The following TLK2 variants were observed in gnomAD, a reference collection of about 807,000 sequenced individuals.
The protein encoded by TLK2 is serine/threonine-protein kinase tousled-like 2.
A neutral mutation model predicts 117.3 loss-of-function variants in TLK2; 6 were observed. That is an observed-to-expected ratio of 0.05 (90% confidence interval 0.03 to 0.10). The LOEUF (loss-of-function observed/expected upper bound fraction) is 0.10, where lower values mean the gene tolerates loss of function less well. Ranked by LOEUF, TLK2 falls within the 10% of genes least tolerant of loss-of-function variation. The probability of loss-of-function intolerance (pLI) is 1.00; values close to 1 mark genes in which losing one functional copy is unlikely to be tolerated. For missense variants in TLK2, 299 were observed against 901.2 expected (o/e 0.33, Z 8.56); for synonymous variants, 257 against 316.7 (o/e 0.81, Z 2.00).
At chr17:62,500,228 C>T (rs976345835) in intron 2 of TLK2, among the ~76,000 whole-genome samples, 1 of 151,592 alleles carries the variant, frequency 6.6e-6, no homozygotes, top group Non-Finnish European at 1.5e-5. Context: ...TACTACCACA[C>T]CTGGCTAATT....
At chr17:62,578,624 A>G (rs1428393875) in intron 14 of TLK2, 50 bp downstream of exon 14, 4 of 1,372,098 alleles carry the variant, frequency 2.9e-6, no homozygotes, top group Admixed American at 1.7e-5. Flanking sequence ...GCATTTTATG[A>G]TATGAATTGA....
At chr17:62,543,851 GT>G (rs929869364) in intron 7 of TLK2, among the ~76,000 whole-genome samples, 1 of 151,828 alleles carries the variant, frequency 6.6e-6, no homozygotes, top group Non-Finnish European at 1.5e-5. Context: ...CAATTTATCT[GT>G]TTTTTTTCTT....
chr17:62,577,216 C>T (rs562847780), intron 13 of TLK2, among the ~76,000 whole-genome samples: 38 of 152,198 alleles, frequency 2.5e-4, no homozygotes, highest in Middle Eastern at 3.4e-3. Context: ...CCTCGGCCTC[C>T]CAAAGTGCTG....
At chr17:62,558,462 T>C (rs1967367) in intron 9 of TLK2, among the ~76,000 whole-genome samples, 100,975 of 152,136 alleles carry the variant, frequency 0.66, 33,723 homozygotes, top group East Asian at 0.81. Flanking sequence ...GCTCACCAGC[T>C]GCCAGCTGTT....
In TLK2 at chr17:62,548,240, A is replaced by ATATATGTGTG. The variant is rs368516607; in HGVS notation, c.532-4061_532-4060insATATGTGTGT. On this transcript the variant is annotated intron_variant, in intron 7 of 21. Coordinates refer to ENST00000346027, the MANE Select transcript of TLK2 (RefSeq NM_006852.6). Reference sequence around the variant, plus strand: ...TTATCATTGGGCCATATATATATATATGTGTGTGTGTGTGTGTGTGTGTGT... The same window carrying ATATATGTGTG: ...TTATCATTGGGCCATATATATATATATATATGTGTGTGTGTGTGTGTGTGTGTGTGTGTGT... Among the ~76,000 whole-genome samples, 356 of 121,284 alleles carry ATATATGTGTG rather than the reference A, an allele frequency of 2.9e-3. 2 individuals carry two copies. The highest frequency in any genetic ancestry group is 0.011 in the African/African-American group (341 of 32,436). The allele number at this position is 121,284 out of a possible 152,430, so 79.6% of individuals were successfully genotyped here.
chr17:62,590,127 CAAAA>C (rs201887925), intron 16 of TLK2, among the ~76,000 whole-genome samples: 9 of 141,612 alleles, frequency 6.4e-5, no homozygotes, highest in Non-Finnish European at 1.2e-4. Context: ...AAAAAAAAAA[CAAAA>C]AAAACAAACA....
At chr17:62,601,472 C>T (rs1033228931) in intron 18 of TLK2, among the ~76,000 whole-genome samples, 5 of 152,286 alleles carry the variant, frequency 3.3e-5, no homozygotes, top group Non-Finnish European at 5.9e-5. Context: ...GTGCATATTG[C>T]GTCTCATTGA....
At chr17:62,525,388 A>C (rs2076302659) in intron 6 of TLK2, among the ~76,000 whole-genome samples, 1 of 152,148 alleles carries the variant, frequency 6.6e-6, no homozygotes, top group Non-Finnish European at 1.5e-5. Context: ...AACATAAGTT[A>C]AACTTATGAA....
chr17:62,494,582 C>T (rs2073452839), intron 2 of TLK2, among the ~76,000 whole-genome samples: 1 of 150,894 alleles, frequency 6.6e-6, no homozygotes, highest in East Asian at 2.0e-4. Flanking sequence ...GAAGGGGTTT[C>T]ACCACGTTGC....
intron 1 of TLK2, among the ~76,000 whole-genome samples, chr17:62,473,395 G>C (rs964830546): frequency 2.0e-5 from 3 of 152,178 alleles, no homozygotes; most frequent in Non-Finnish European, 4.4e-5. Flanking sequence ...GGCTCCCAGA[G>C]ACCCACACAC....
At chr17:62,518,692 C>A (rs1285417845) in intron 2 of TLK2, among the ~76,000 whole-genome samples, 3 of 150,814 alleles carry the variant, frequency 2.0e-5, no homozygotes. Context: ...GGCTACAGAG[C>A]GAGACTCCGT....
chr17:62,519,130 C>T (rs1265202914), intron 2 of TLK2, among the ~76,000 whole-genome samples: 1 of 152,170 alleles, frequency 6.6e-6, no homozygotes, highest in Admixed American at 6.5e-5. Context: ...AGGGATCCAC[C>T]CACCTTGGCC....
intron 2 of TLK2, among the ~76,000 whole-genome samples, chr17:62,492,322 C>T (rs1278181388): frequency 6.6e-6 from 1 of 151,742 alleles, no homozygotes; most frequent in Non-Finnish European, 1.5e-5. Context: ...CTTGTTTTGC[C>T]CATTAAATAT....
chr17:62,472,589 T>A (rs972586279), intron 1 of TLK2, among the ~76,000 whole-genome samples: 1 of 151,910 alleles, frequency 6.6e-6, no homozygotes, highest in Non-Finnish European at 1.5e-5. Flanking sequence ...ATAAAAAAAA[T>A]TAGCTGGGCG....
intron 2 of TLK2, among the ~76,000 whole-genome samples, chr17:62,487,004 T>C (rs1486900671): frequency 6.6e-6 from 1 of 152,188 alleles, no homozygotes; most frequent in Non-Finnish European, 1.5e-5. Flanking sequence ...CAATGAAATA[T>C]GATTGCAGGC....
chr17:62,522,168 C>A, intron 3 of TLK2, 36 bp from the exon 4 acceptor site: 1 of 1,591,598 alleles, frequency 6.3e-7, no homozygotes, highest in South Asian at 1.2e-5. Flanking sequence ...AAAAATTTAC[C>A]AAAATGCTAA....
Position 62,481,256 on chromosome 17 carries a change from A to G in TLK2, c.81+50A>G, listed in dbSNP as rs116017183. 7,773 of 1,596,632 alleles carry G rather than the reference A, an allele frequency of 4.9e-3. 296 individuals carry two copies. The African/African-American group carries it at 0.087, about 18-fold the overall frequency. ...ACTATTCATATTCTAATTTAAACACATTTTTTAAATGATTAAGAGCAATTT... is the reference window on the plus strand; with the variant it reads ...ACTATTCATATTCTAATTTAAACACGTTTTTTAAATGATTAAGAGCAATTT... On this transcript the variant is annotated intron_variant, in intron 2 of 21. Transcript: ENST00000346027.
At chr17:62,530,464 C>T (rs1166711350) in intron 6 of TLK2, among the ~76,000 whole-genome samples, 1 of 152,106 alleles carries the variant, frequency 6.6e-6, no homozygotes. Context: ...GAGACCCTGT[C>T]TCAAAACCCC....
At chr17:62,593,692 A>G (rs2082245921) in intron 16 of TLK2, among the ~76,000 whole-genome samples, 4 of 151,734 alleles carry the variant, frequency 2.6e-5, no homozygotes, top group Admixed American at 6.6e-5. Context: ...CACCCCCATG[A>G]TAACAATGCC....
Sources: gnomAD v4.1 joint callset for allele counts (sites outside exome capture counted in the v4.1 genomes callset) on GRCh38, gnomAD v4.1.1 for gene constraint, MANE v1.5 for transcripts, NCBI Gene and HGNC (gene_info 2026-07-23, HGNC 2026-07-21) for gene names.